Variants in DDX10 observed in about 807,000 individuals in gnomAD.
The protein encoded by DDX10 is probable ATP-dependent RNA helicase DDX10.
In DDX10, 74 loss-of-function variants were observed where a neutral mutation model predicts 104.3. That is an observed-to-expected ratio of 0.71 (90% CI 0.59 to 0.86). The LOEUF is 0.86. DDX10 is among the 40% of genes least tolerant of loss of function. The pLI, the probability that DDX10 is intolerant of heterozygous loss-of-function variation, is 0.00. For missense variants in DDX10, 952 were observed against 1,040.0 expected (o/e 0.92, Z 1.16); for synonymous variants, 351 against 353.4 (o/e 0.99, Z 0.08).
intron 16 of DDX10, among the ~76,000 whole-genome samples, chr11:108,899,073 C>T (rs147389592): frequency 2.4e-3 from 368 of 152,296 alleles, no homozygotes; most frequent in African/African-American, 8.2e-3. Context: ...AGAATTTCAG[C>T]TGCAACTTCG....
In DDX10 at chr11:108,734,556, C is replaced by T. The variant is rs539355084; in HGVS notation, c.1965+11094C>T. On this transcript the variant is annotated intron_variant, in intron 13 of 17. Transcript: ENST00000322536. ...GTGGAAAGCTTAAAGCTGGTTTTGG[C>T]ATGATGTTTATTCTGTAACATGCTG... 2.5e-4 allele frequency among the ~76,000 whole-genome samples: 38 copies of T among 152,236 alleles called. No individual in the cohort carries two copies. In the Middle Eastern group the frequency reaches 0.01, roughly 41 times the overall value.
intron 13 of DDX10, among the ~76,000 whole-genome samples, chr11:108,799,902 T>C (rs1403684164): frequency 6.6e-6 from 1 of 152,066 alleles, no homozygotes; most frequent in African/African-American, 2.4e-5. Context: ...ATAGTTCTAG[T>C]TGTTCATTTC....
chr11:108,686,209 T>C (rs1003509413), intron 6 of DDX10, among the ~76,000 whole-genome samples: 1 of 152,176 alleles, frequency 6.6e-6, no homozygotes, highest in Non-Finnish European at 1.5e-5. Context: ...GCTAGAATGG[T>C]GGTGCATTTG....
intron 13 of DDX10, among the ~76,000 whole-genome samples, chr11:108,795,883 G>A (rs1429339913): frequency 6.6e-6 from 1 of 152,162 alleles, no homozygotes; most frequent in Non-Finnish European, 1.5e-5. Flanking sequence ...GGGTCAAATG[G>A]TAATTCTAGT....
intron 13 of DDX10, among the ~76,000 whole-genome samples, chr11:108,830,185 A>G (rs1158643457): frequency 6.6e-6 from 1 of 152,114 alleles, no homozygotes; most frequent in Non-Finnish European, 1.5e-5. Flanking sequence ...GATTCTACCC[A>G]TTTATGGGCA....
At chr11:108,693,626 CT>C (rs1450370820) in intron 9 of DDX10, 26 bp downstream of exon 9, 1 of 1,504,340 alleles carries the variant, frequency 6.6e-7, no homozygotes, top group Non-Finnish European at 9.3e-7. Context: ...AATTTCTTTT[CT>C]TTTGCTACTA....
At chr11:108,813,792 C>A (rs1461661366) in intron 13 of DDX10, among the ~76,000 whole-genome samples, 1 of 152,128 alleles carries the variant, frequency 6.6e-6, no homozygotes, top group East Asian at 1.9e-4. Context: ...TATATAACTA[C>A]CCAATTATTC....
chr11:108,812,709 C>T (rs1002402212), intron 13 of DDX10, among the ~76,000 whole-genome samples: 10 of 152,016 alleles, frequency 6.6e-5, no homozygotes, highest in African/African-American at 2.2e-4. Flanking sequence ...CAGCTGGCTG[C>T]GGTGGCTCAT....
intron 1 of DDX10, among the ~76,000 whole-genome samples, chr11:108,665,614 C>T (rs2094209127): frequency 6.6e-6 from 1 of 152,058 alleles, no homozygotes; most frequent in South Asian, 2.1e-4. Flanking sequence ...ATTAATAATA[C>T]TGATGACAAT....
At chr11:108,770,721 G>A (rs2094362053) in intron 13 of DDX10, among the ~76,000 whole-genome samples, 1 of 151,614 alleles carries the variant, frequency 6.6e-6, no homozygotes, top group Non-Finnish European at 1.5e-5. Flanking sequence ...TGGTTCACTA[G>A]TACTCCATTG....
intron 16 of DDX10, among the ~76,000 whole-genome samples, chr11:108,892,926 C>G: frequency 6.6e-6 from 1 of 152,290 alleles, no homozygotes; most frequent in East Asian, 1.9e-4. Context: ...AACCCCTGTT[C>G]CTTCCTGCCT....
At chr11:108,694,390 G>A (rs58286414) in intron 9 of DDX10, among the ~76,000 whole-genome samples, 18,668 of 152,122 alleles carry the variant, frequency 0.12, 1,559 homozygotes, top group East Asian at 0.27. Flanking sequence ...TAGATCTTGT[G>A]CTCTTACCTT....
chr11:108,685,995 T>G (rs1444817074), intron 6 of DDX10, among the ~76,000 whole-genome samples: 1 of 152,250 alleles, frequency 6.6e-6, no homozygotes, highest in South Asian at 2.1e-4. Context: ...CAACTTGATA[T>G]ATATTTGGGC....
At chr11:108,757,422 A>G (rs2094345793) in intron 13 of DDX10, among the ~76,000 whole-genome samples, 1 of 152,068 alleles carries the variant, frequency 6.6e-6, no homozygotes, top group Non-Finnish European at 1.5e-5. Flanking sequence ...GGATTTGGAA[A>G]CAGTTGTGTG....
At chr11:108,810,226 A>G (rs1434654243) in intron 13 of DDX10, among the ~76,000 whole-genome samples, 1 of 152,194 alleles carries the variant, frequency 6.6e-6, no homozygotes, top group Non-Finnish European at 1.5e-5. Flanking sequence ...TTCCTAATCG[A>G]TAAACATCTG....
intron 13 of DDX10, among the ~76,000 whole-genome samples, chr11:108,768,903 G>A (rs2094359560): frequency 6.6e-6 from 1 of 151,640 alleles, no homozygotes; most frequent in South Asian, 2.1e-4. Context: ...AGTATGTTTT[G>A]TTTTTGTTTT....
intron 11 of DDX10, among the ~76,000 whole-genome samples, chr11:108,718,018 A>G (rs1823690237): frequency 6.6e-6 from 1 of 152,136 alleles, no homozygotes; most frequent in African/African-American, 2.4e-5. Context: ...CAAAAAAATT[A>G]GCTGGGTGTG....
chr11:108,717,927 G>C (rs972357141), intron 11 of DDX10, among the ~76,000 whole-genome samples: 2 of 152,186 alleles, frequency 1.3e-5, no homozygotes, highest in Non-Finnish European at 2.9e-5. Flanking sequence ...GGGAGGCTGA[G>C]GTGGGTGGAT....
At chr11:108,782,570 CTT>C (rs1408671606) in intron 13 of DDX10, among the ~76,000 whole-genome samples, 1 of 152,144 alleles carries the variant, frequency 6.6e-6, no homozygotes, top group African/African-American at 2.4e-5. Flanking sequence ...TTGTGTAATA[CTT>C]AGCAATTAGC....
Sources: gnomAD v4.1 joint callset for allele counts (sites outside exome capture counted in the v4.1 genomes callset) on GRCh38, gnomAD v4.1.1 for gene constraint, MANE v1.5 for transcripts, NCBI Gene and HGNC (gene_info 2026-07-23, HGNC 2026-07-21) for gene names.